PARVB: variants seen among roughly 807,000 people sequenced by gnomAD.
The protein encoded by PARVB is parvin beta, also known as beta-parvin.
In PARVB, 46 loss-of-function variants were observed where a neutral mutation model predicts 47.0. The ratio of observed to expected loss-of-function variants is 0.98; its 90% CI spans 0.77 to 1.25. The LOEUF (loss-of-function observed/expected upper bound fraction) is 1.25. Ranked by LOEUF, PARVB falls within the 50% of genes most tolerant of loss-of-function variation. The pLI is 0.00. For missense variants in PARVB, 473 were observed against 471.6 expected, an observed-to-expected ratio of 1.00 and a Z score of -0.03; for synonymous variants, 196 against 196.3, an observed-to-expected ratio of 1.00 and a Z score of 0.01.
At chr22:44,003,832 C>T (rs529063998) in intron 2 of PARVB, among the ~76,000 whole-genome samples, 1 of 152,330 alleles carries the variant, frequency 6.6e-6, no homozygotes, top group African/African-American at 2.4e-5. Flanking sequence ...GGTTTACCCT[C>T]CTCTTTAGCC....
At chr22:44,148,328 G>A (rs181694989) in intron 9 of PARVB, 52 of 262,966 alleles carry the variant, frequency 2.0e-4, no homozygotes, top group Admixed American at 1.3e-3. Flanking sequence ...GATTTGGCCC[G>A]TTTCCCTCCA....
chr22:44,039,561 A>AC (rs2050980762), intron 1 of PARVB, among the ~76,000 whole-genome samples: 2 of 152,122 alleles, frequency 1.3e-5, no homozygotes, highest in South Asian at 4.1e-4. Flanking sequence ...AAAAAAAAAA[A>AC]GTAGGAATCT....
At chr22:44,099,539 G>A (rs994047285) in intron 2 of PARVB, among the ~76,000 whole-genome samples, 3 of 151,248 alleles carry the variant, frequency 2.0e-5, no homozygotes, top group African/African-American at 7.3e-5. Context: ...CTTTTTTTTT[G>A]CTATTTATTT....
intron 9 of PARVB, chr22:44,148,457 G>C (rs944068728): frequency 1.1e-4 from 19 of 168,490 alleles, no homozygotes; most frequent in Admixed American, 2.2e-4. Context: ...ATCTGCCAGG[G>C]AGGCTTGTTC....
intron 3 of PARVB, among the ~76,000 whole-genome samples, chr22:44,117,978 A>G (rs1177343785): frequency 6.6e-6 from 1 of 152,212 alleles, no homozygotes; most frequent in Non-Finnish European, 1.5e-5. Flanking sequence ...AGGTACTTTC[A>G]TAATGGAAGC....
upstream of PARVB, among the ~76,000 whole-genome samples, chr22:44,021,355 G>A (rs1039510195): frequency 6.6e-6 from 1 of 152,182 alleles, no homozygotes; most frequent in African/African-American, 2.4e-5. Flanking sequence ...GAAGATTCAA[G>A]TATATTTTCA....
At chr22:44,092,698 A>G (rs1569106416) in intron 1 of PARVB, among the ~76,000 whole-genome samples, 3 of 152,166 alleles carry the variant, frequency 2.0e-5, no homozygotes, top group Admixed American at 1.3e-4. Context: ...TTACAGTGTT[A>G]CCTATAAATG....
At chr22:44,097,695 CCA>C (rs1413981627) in intron 2 of PARVB, among the ~76,000 whole-genome samples, 2 of 152,202 alleles carry the variant, frequency 1.3e-5, no homozygotes, top group African/African-American at 4.8e-5. Context: ...GGACACACTG[CCA>C]CACATAGCTG....
intron 1 of PARVB, among the ~76,000 whole-genome samples, chr22:44,061,631 TTTTTGAGTG>T (rs747312190): frequency 4.7e-4 from 72 of 151,730 alleles, no homozygotes; most frequent in Non-Finnish European, 9.0e-4. Flanking sequence ...GATTCTTTTT[TTTTTGAGTG>T]GAGTCTCACT....
At chr22:44,014,414 C>T (rs2050555693) in intron 2 of PARVB, among the ~76,000 whole-genome samples, 1 of 152,194 alleles carries the variant, frequency 6.6e-6, no homozygotes, top group South Asian at 2.1e-4. Flanking sequence ...GGGGCAGCTG[C>T]ATGTAATCTG....
At chr22:44,080,152 T>G (rs933103897) in intron 1 of PARVB, among the ~76,000 whole-genome samples, 1 of 152,232 alleles carries the variant, frequency 6.6e-6, no homozygotes, top group Admixed American at 6.5e-5. Flanking sequence ...GGAGCAGGGC[T>G]CAGTAAAACT....
chr22:44,118,953 G>A (rs1300486685), intron 3 of PARVB, 85 bp from the exon 4 acceptor site: 15 of 906,746 alleles, frequency 1.7e-5, no homozygotes, highest in Non-Finnish European at 2.8e-5. Context: ...GAGCTGTGCA[G>A]TCTCTGTTTC....
At chr22:44,066,345 T>C (rs897724759) in intron 1 of PARVB, among the ~76,000 whole-genome samples, 1 of 152,190 alleles carries the variant, frequency 6.6e-6, no homozygotes, top group African/African-American at 2.4e-5. Flanking sequence ...TAGCAAAAAG[T>C]CGAATCTGTA....
chr22:44,010,227 T>C (rs2050508700), intron 2 of PARVB, among the ~76,000 whole-genome samples: 1 of 152,174 alleles, frequency 6.6e-6, no homozygotes. Context: ...AAACTGGCAC[T>C]CAGTATTTGT....
rs1414699658 is a variant in PARVB, at chr22:44,172,251, G to A, written c.*3573G>A. ...GCTGGGACATGAGGCTTGGGTGTGA[G>A]ATGCCCCGTCTGCTGCTGCTCTTGG... On this transcript the variant is annotated 3_prime_UTR_variant, in exon 13 of 13. Coordinates refer to ENST00000338758, the MANE Select transcript of PARVB (RefSeq NM_013327.5). The A allele has an allele frequency of 6.6e-6, 1 of 152,346 alleles. No individual in the cohort carries two copies. The highest frequency in any genetic ancestry group is 2.4e-5 in the African/African-American group (1 of 41,438). 9.4% of individuals were successfully genotyped at this position (152,346 alleles called of 1,614,324 possible).
At chr22:44,136,590 A>T in intron 7 of PARVB, 72 bp downstream of exon 7, 1 of 1,274,540 alleles carries the variant, frequency 7.8e-7, no homozygotes, top group Non-Finnish European at 1.1e-6. Context: ...CTGCCACTTC[A>T]GCCAGGGACA....
At chr22:44,161,179 G>A (rs78410472) in intron 11 of PARVB, among the ~76,000 whole-genome samples, 4 of 152,124 alleles carry the variant, frequency 2.6e-5, no homozygotes, top group African/African-American at 7.2e-5. Context: ...TGATATGGAC[G>A]GTGGTCAGCT....
At chr22:44,112,736 C>CATTG (rs2052733066) in intron 3 of PARVB, 2 of 1,796 alleles carry the variant, frequency 1.1e-3, no homozygotes, top group Admixed American at 0.017. Flanking sequence ...TACATTGTTA[C>CATTG]TAAGTAAGGC....
intron 1 of PARVB, among the ~76,000 whole-genome samples, chr22:44,040,906 G>A (rs2051007577): frequency 6.6e-6 from 1 of 152,110 alleles, no homozygotes; most frequent in East Asian, 1.9e-4. Context: ...GAGAGGCTGA[G>A]GCAGGAGAAT....
Sources: allele counts gnomAD v4.1 joint callset (sites outside exome capture counted in the v4.1 genomes callset), GRCh38; gene constraint gnomAD v4.1.1; transcripts MANE v1.5; gene names NCBI Gene and HGNC (gene_info 2026-07-23, HGNC 2026-07-21).